PITPNC1: variants seen among roughly 807,000 people sequenced by gnomAD.
PITPNC1 encodes phosphatidylinositol transfer protein cytoplasmic 1.
PITPNC1 carries 18 observed loss-of-function variants against 44.7 expected under a neutral mutation model. That is an observed-to-expected ratio of 0.40 (90% CI 0.28 to 0.60). PITPNC1 has a LOEUF of 0.60. Among genes scored for constraint, PITPNC1 ranks in the 20% least tolerant of loss-of-function variants. The probability of loss-of-function intolerance (pLI) is 0.39; values close to 1 mark genes in which losing one functional copy is unlikely to be tolerated. For missense variants in PITPNC1, 290 were observed against 418.4 expected, an observed-to-expected ratio of 0.69 and a Z score of 2.68; for synonymous variants, 141 against 149.6, an observed-to-expected ratio of 0.94 and a Z score of 0.42.
intron 1 of PITPNC1, among the ~76,000 whole-genome samples, chr17:67,390,780 A>G (rs1213713377): frequency 2.6e-5 from 4 of 152,206 alleles, no homozygotes; most frequent in Non-Finnish European, 5.9e-5. Context: ...TGGCTTTGCA[A>G]ACCATAGTGG....
chr17:67,666,024 G>A (rs2042417546), intron 6 of PITPNC1, among the ~76,000 whole-genome samples: 1 of 151,902 alleles, frequency 6.6e-6, no homozygotes, highest in Non-Finnish European at 1.5e-5. Context: ...TATATTTTTA[G>A]TAGAGACGGG....
intron 6 of PITPNC1, among the ~76,000 whole-genome samples, chr17:67,637,137 C>T (rs933465053): frequency 2.0e-5 from 3 of 152,248 alleles, no homozygotes; most frequent in African/African-American, 7.2e-5. Context: ...AGCACCAGTG[C>T]TTAGCAGGCG....
intron 2 of PITPNC1, among the ~76,000 whole-genome samples, chr17:67,549,552 T>C (rs1184478715): frequency 1.3e-5 from 2 of 152,044 alleles, no homozygotes; most frequent in South Asian, 2.1e-4. Context: ...CATTTACAAA[T>C]AGAAAAAGTC....
chr17:67,586,743 C>T (rs1459071496), intron 5 of PITPNC1, among the ~76,000 whole-genome samples: 1 of 152,208 alleles, frequency 6.6e-6, no homozygotes, highest in East Asian at 1.9e-4. Context: ...CAATAATGTA[C>T]TTTTGCTTCT....
chr17:67,664,151 G>T (rs1182950161), intron 6 of PITPNC1, among the ~76,000 whole-genome samples: 1 of 152,118 alleles, frequency 6.6e-6, no homozygotes, highest in Non-Finnish European at 1.5e-5. Flanking sequence ...TTTTAGTAGA[G>T]ACGGGGTTTC....
At chr17:67,466,205 T>TGG (rs796395546) in intron 1 of PITPNC1, among the ~76,000 whole-genome samples, 1,010 of 27,822 alleles carry the variant, frequency 0.036, 29 homozygotes, top group Middle Eastern at 0.062. Flanking sequence ...GGTGGGGGGG[T>TGG]GGGGGGGGGC....
intron 1 of PITPNC1, chr17:67,379,226 G>A: frequency 1.0e-6 from 1 of 985,824 alleles, no homozygotes; most frequent in Non-Finnish European, 1.2e-6. Flanking sequence ...CAGCCACCCA[G>A]ACCGTCTTTA....
At chr17:67,689,927 C>T (rs945661843) in intron 8 of PITPNC1, among the ~76,000 whole-genome samples, 1 of 152,158 alleles carries the variant, frequency 6.6e-6, no homozygotes, top group Admixed American at 6.5e-5. Flanking sequence ...CTTAATCTCA[C>T]TTCTTAGCTC....
intron 1 of PITPNC1, among the ~76,000 whole-genome samples, chr17:67,427,687 T>C (rs1443567796): frequency 6.6e-6 from 1 of 152,130 alleles, no homozygotes; most frequent in African/African-American, 2.4e-5. Context: ...ATTCCATCAC[T>C]CCTACAGCTA....
chr17:67,427,353 G>T (rs1212093471), intron 1 of PITPNC1, among the ~76,000 whole-genome samples: 2 of 152,098 alleles, frequency 1.3e-5, no homozygotes. Context: ...TGGGACCACA[G>T]GCGCCCGCAA....
chr17:67,381,350 C>G (rs948069031), intron 1 of PITPNC1, among the ~76,000 whole-genome samples: 1 of 146,906 alleles, frequency 6.8e-6, no homozygotes, highest in African/African-American at 2.5e-5. Flanking sequence ...AAAAAAAGGG[C>G]TGGGATTACA....
At chr17:67,411,384 T>C (rs1248746176) in intron 1 of PITPNC1, among the ~76,000 whole-genome samples, 1 of 152,020 alleles carries the variant, frequency 6.6e-6, no homozygotes, top group African/African-American at 2.4e-5. Flanking sequence ...GCGCAGCACA[T>C]AGGTCACCAG....
chr17:67,618,783 G>C (rs2041793845), intron 5 of PITPNC1, among the ~76,000 whole-genome samples: 1 of 151,756 alleles, frequency 6.6e-6, no homozygotes, highest in Non-Finnish European at 1.5e-5. Context: ...CACTGGCCGG[G>C]CGCGGTGGCT....
chr17:67,502,065 C>T (rs952557689), intron 1 of PITPNC1, among the ~76,000 whole-genome samples: 2 of 152,146 alleles, frequency 1.3e-5, no homozygotes, highest in African/African-American at 4.8e-5. Context: ...GTTTGGGAGG[C>T]GTTAACCATT....
intron 4 of PITPNC1, among the ~76,000 whole-genome samples, chr17:67,564,517 G>A (rs1306410826): frequency 6.6e-6 from 1 of 152,094 alleles, no homozygotes; most frequent in Non-Finnish European, 1.5e-5. Context: ...CATTGAGGAT[G>A]GATCTTCCTC....
At chr17:67,472,370 G>T (rs561173899) in intron 1 of PITPNC1, among the ~76,000 whole-genome samples, 1 of 140,730 alleles carries the variant, frequency 7.1e-6, no homozygotes, top group African/African-American at 2.5e-5. Context: ...AAAAAGGACC[G>T]GGTGCGGTGG....
chr17:67,479,114 T>TC (rs1204262148), intron 1 of PITPNC1, among the ~76,000 whole-genome samples: 1 of 151,970 alleles, frequency 6.6e-6, no homozygotes, highest in Non-Finnish European at 1.5e-5. Context: ...AACCAGCAAC[T>TC]CCCCAACCCT....
chr17:67,641,193 G>T (rs985834017), intron 6 of PITPNC1, among the ~76,000 whole-genome samples: 2 of 152,104 alleles, frequency 1.3e-5, no homozygotes, highest in Non-Finnish European at 2.9e-5. Context: ...TGGAATCTGA[G>T]CTGGGCCTTA....
At chr17:67,668,479 T>C (rs1199656442) in intron 6 of PITPNC1, among the ~76,000 whole-genome samples, 1 of 152,080 alleles carries the variant, frequency 6.6e-6, no homozygotes, top group Non-Finnish European at 1.5e-5. Flanking sequence ...TCCCAGTACT[T>C]TGGGAGGCCA....
Sources: gnomAD v4.1 joint callset for allele counts (sites outside exome capture counted in the v4.1 genomes callset) on GRCh38, gnomAD v4.1.1 for gene constraint, MANE v1.5 for transcripts, NCBI Gene and HGNC (gene_info 2026-07-23, HGNC 2026-07-21) for gene names.